Variants in YTHDC2 observed in about 807,000 individuals in gnomAD.
YTHDC2 encodes the protein 3'-5' RNA helicase YTHDC2.
A neutral mutation model predicts 174.9 loss-of-function variants in YTHDC2; 45 were observed. The observed-to-expected ratio is 0.26, with a 90% CI of 0.20 to 0.33. The LOEUF (loss-of-function observed/expected upper bound fraction) is 0.33. Ranked by LOEUF, YTHDC2 falls within the 10% of genes least tolerant of loss-of-function variation. The probability of loss-of-function intolerance (pLI) is 1.00; values close to 1 mark genes in which losing one functional copy is unlikely to be tolerated. For synonymous variants in YTHDC2, 657 were observed against 574.5 expected, an observed-to-expected ratio of 1.14 and a Z score of -2.05; for missense variants, 1,650 against 1,723.7, an observed-to-expected ratio of 0.96 and a Z score of 0.76.
chr5:113,527,954 C>G (rs139745574), intron 4 of YTHDC2, among the ~76,000 whole-genome samples: 3,005 of 152,186 alleles, frequency 0.02, 332 homozygotes, highest in Admixed American at 0.17. Context: ...CCACGCCTGA[C>G]CCAGCATGAG....
At chr5:113,518,327 A>C (rs1016481099) in intron 2 of YTHDC2, among the ~76,000 whole-genome samples, 56 of 151,124 alleles carry the variant, frequency 3.7e-4, no homozygotes, top group African/African-American at 1.3e-3. Flanking sequence ...CAGCCTCTTG[A>C]GTAGCTGGTA....
chr5:113,547,352 T>G (rs1775947678), intron 10 of YTHDC2, among the ~76,000 whole-genome samples: 1 of 152,152 alleles, frequency 6.6e-6, no homozygotes, highest in South Asian at 2.1e-4. Flanking sequence ...ATCTGTGCTT[T>G]TAAAAATACA....
intron 17 of YTHDC2, among the ~76,000 whole-genome samples, chr5:113,558,341 G>GT (rs1198939365): frequency 1.3e-5 from 2 of 152,184 alleles, no homozygotes; most frequent in Non-Finnish European, 2.9e-5. Flanking sequence ...AAAAATGATG[G>GT]TAGGAGGACC....
chr5:113,545,482 A>G (rs1303820029), intron 10 of YTHDC2, among the ~76,000 whole-genome samples: 2 of 151,844 alleles, frequency 1.3e-5, no homozygotes, highest in East Asian at 3.9e-4. Flanking sequence ...TTCTGGGCTC[A>G]GGTGATTCTC....
chr5:113,585,825 A>T (rs1489417984), intron 26 of YTHDC2, among the ~76,000 whole-genome samples: 4 of 151,860 alleles, frequency 2.6e-5, no homozygotes, highest in Non-Finnish European at 5.9e-5. Context: ...GTATATTATT[A>T]GTTTATCTAA....
intron 26 of YTHDC2, among the ~76,000 whole-genome samples, chr5:113,588,627 TA>T (rs1778820452): frequency 3.4e-5 from 5 of 148,886 alleles, no homozygotes; most frequent in African/African-American, 7.5e-5. Flanking sequence ...TATTTATTTA[TA>T]TTATTTTTTT....
chr5:113,550,619 A>G (rs1244356411), intron 12 of YTHDC2, among the ~76,000 whole-genome samples: 1 of 152,158 alleles, frequency 6.6e-6, no homozygotes, highest in African/African-American at 2.4e-5. Flanking sequence ...TTGTTAAAAC[A>G]ATAAATAGCA....
rs1461126858 is a variant in YTHDC2 at position 113,584,298 on chromosome 5, C to T, written c.3648-4C>T. 46 of 1,607,498 alleles carry T rather than the reference C, an allele frequency of 2.9e-5. No individual in the cohort carries two copies. The highest frequency in any genetic ancestry group is 3.8e-5 in the Non-Finnish European group (45 of 1,176,754). ...TGATCTTTGCTTCCTCCTTCTTGCT[C>T]AAGAGTACTGATGAAATCTCCATCT... On this transcript the variant is annotated splice_polypyrimidine_tract_variant and splice_region_variant and intron_variant, in intron 25 of 29. Transcript: ENST00000161863.
chr5:113,583,938 T>C (rs2112800343), intron 25 of YTHDC2: 1 of 158,114 alleles, frequency 6.3e-6, no homozygotes, highest in East Asian at 1.8e-4. Flanking sequence ...ACCCATACTT[T>C]AAGAAAGATT....
At chr5:113,539,395 G>A (rs752711712) in intron 8 of YTHDC2, among the ~76,000 whole-genome samples, 17 of 152,158 alleles carry the variant, frequency 1.1e-4, no homozygotes, top group Non-Finnish European at 2.2e-4. Context: ...ACTGAAAGTG[G>A]GTGCCAGAGT....
chr5:113,544,178 C>T (rs1202812601), intron 10 of YTHDC2, among the ~76,000 whole-genome samples: 1 of 152,030 alleles, frequency 6.6e-6, no homozygotes, highest in Non-Finnish European at 1.5e-5. Flanking sequence ...GAGACAAAGT[C>T]TCTCTCTGTC....
At chr5:113,586,927 A>C (rs1205384480) in intron 26 of YTHDC2, among the ~76,000 whole-genome samples, 2 of 115,196 alleles carry the variant, frequency 1.7e-5, no homozygotes, top group Non-Finnish European at 3.4e-5. Flanking sequence ...ATAATATATA[A>C]ATATATATTA....
intron 23 of YTHDC2, among the ~76,000 whole-genome samples, chr5:113,568,685 C>A (rs1229149665): frequency 6.6e-6 from 1 of 152,172 alleles, no homozygotes; most frequent in Non-Finnish European, 1.5e-5. Context: ...TCAGCCATGT[C>A]CCTGCAAAGG....
At chr5:113,583,378 A>G (rs1011262420) in intron 25 of YTHDC2, 2 of 152,242 alleles carry the variant, frequency 1.3e-5, no homozygotes, top group Non-Finnish European at 2.9e-5. Flanking sequence ...GAAATGTTCA[A>G]GGAACTAGGT....
intron 5 of YTHDC2, among the ~76,000 whole-genome samples, chr5:113,533,378 A>G (rs1774823641): frequency 6.6e-6 from 1 of 151,828 alleles, no homozygotes; most frequent in African/African-American, 2.4e-5. Context: ...CCCTGTCTCT[A>G]CTAAAAAAAA....
rs77180725 is a variant in YTHDC2 at position 113,534,404 on chromosome 5, C to G, written c.942C>G (p.Ile314Met). 12 of 1,608,094 alleles carry G rather than the reference C, an allele frequency of 7.5e-6. No individual in the cohort carries two copies. Among genetic ancestry groups the G allele is most frequent in the Non-Finnish European group, 1.0e-5 (12 of 1,176,008 alleles). Reference sequence around the variant, plus strand: ...CGTTGTCGACTGTGACACATGTTATCGTGGTAAGAATATTGCTGAATTTGT... The same window carrying G: ...CGTTGTCGACTGTGACACATGTTATGGTGGTAAGAATATTGCTGAATTTGT... ...DSTLSTVTHV[I>M]VDEVHERDRF... The change falls in exon 6 of 30, where the codon ATC becomes ATG. Residue 314 changes from isoleucine to methionine, a missense_variant. Transcript: ENST00000161863.
rs1394128667 is a variant in YTHDC2, at chr5:113,593,349, G to A, written c.4259G>A (p.Arg1420His). Reference protein sequence around the residue: ...VGEQLLQLWERLPLGEKNTTD With the variant: ...VGEQLLQLWEHLPLGEKNTTD Reference sequence around the variant, plus strand: ...GAACAGTTGCTCCAGTTATGGGAACGTCTTCCCTTGGGAGAAAAAAACACA... The same window carrying A: ...GAACAGTTGCTCCAGTTATGGGAACATCTTCCCTTGGGAGAAAAAAACACA... The change falls in exon 29 of 30, where the codon CGT becomes CAT. Residue 1420 changes from arginine to histidine, a missense_variant. By Grantham distance (29) the Arg-to-His change is conservative. Coordinates refer to ENST00000161863, the MANE Select transcript of YTHDC2 (RefSeq NM_022828.5). The A allele has an allele frequency of 1.3e-5, 21 of 1,612,594 alleles. No homozygotes were observed. Among genetic ancestry groups the A allele is most frequent in the South Asian group, 1.2e-4 (11 of 90,998 alleles).
intron 10 of YTHDC2, among the ~76,000 whole-genome samples, 188 bp downstream of exon 10, chr5:113,542,691 G>A (rs915125351): frequency 2.0e-5 from 3 of 152,138 alleles, no homozygotes; most frequent in Non-Finnish European, 4.4e-5. Flanking sequence ...AATAAATATT[G>A]TGTTAAATCA....
chr5:113,580,506 A>C (rs1341136076), intron 24 of YTHDC2, among the ~76,000 whole-genome samples: 2 of 152,144 alleles, frequency 1.3e-5, no homozygotes, highest in Non-Finnish European at 2.9e-5. Flanking sequence ...GTCCAAGATC[A>C]TTCTCTATAC....
Sources: allele counts gnomAD v4.1 joint callset (sites outside exome capture counted in the v4.1 genomes callset), GRCh38; gene constraint gnomAD v4.1.1; transcripts MANE v1.5; gene names NCBI Gene and HGNC (gene_info 2026-07-23, HGNC 2026-07-21).